PDLIM5: variants seen among roughly 807,000 people sequenced by gnomAD.
The protein encoded by PDLIM5 is PDZ and LIM domain 5.
PDLIM5 carries 34 observed loss-of-function variants against 64.2 expected under a neutral mutation model. That is an observed-to-expected ratio of 0.53 (90% CI 0.40 to 0.71). The LOEUF (loss-of-function observed/expected upper bound fraction) is 0.71. PDLIM5 is among the 30% of genes least tolerant of loss of function. The pLI is 0.00. For missense variants in PDLIM5, 683 were observed against 733.6 expected (o/e 0.93, Z 0.80); for synonymous variants, 253 against 269.1 (o/e 0.94, Z 0.59).
intron 2 of PDLIM5, among the ~76,000 whole-genome samples, chr4:94,463,295 A>G (rs1243987360): frequency 6.6e-6 from 1 of 152,210 alleles, no homozygotes; most frequent in African/African-American, 2.4e-5. Flanking sequence ...TCAAAAATCC[A>G]TGTGTAACTT....
chr4:94,667,987 C>T lies in PDLIM5; in HGVS notation c.*3920C>T, dbSNP rs753225693. On this transcript the variant is annotated 3_prime_UTR_variant, in exon 13 of 13. Coordinates refer to ENST00000317968, the MANE Select transcript of PDLIM5 (RefSeq NM_006457.5). ...CTGAATAGTTTTACACAAATTTGAT[C>T]TGGCTTCCATTTGTCCCCCTCATTT... The T allele has an allele frequency of 4.3e-4, 66 of 152,154 alleles. No individual in the cohort carries two copies. Among genetic ancestry groups the T allele is most frequent in the Non-Finnish European group, 8.1e-4 (55 of 68,010 alleles). The allele number at this position is 152,154 out of a possible 1,614,324, so 9.4% of individuals were successfully genotyped here.
At chr4:94,456,972 C>T (rs983582321) in intron 2 of PDLIM5, 1 of 987,148 alleles carries the variant, frequency 1.0e-6, no homozygotes, top group South Asian at 4.6e-5. Context: ...GCTGTGCTGC[C>T]TCTTTAATAA....
intron 6 of PDLIM5, 40 bp downstream of exon 6, chr4:94,585,777 T>C: frequency 6.5e-7 from 1 of 1,548,980 alleles, no homozygotes; most frequent in Non-Finnish European, 8.9e-7. Flanking sequence ...TGAATGTTTT[T>C]TTGCCCCAGA....
intron 3 of PDLIM5, among the ~76,000 whole-genome samples, chr4:94,542,339 G>A (rs59384105): frequency 7.4e-6 from 1 of 135,286 alleles, no homozygotes; most frequent in African/African-American, 3.2e-5. Flanking sequence ...AATAAAGTAA[G>A]TAAGTAAGTA....
chr4:94,605,381 T>C (rs757369358), intron 7 of PDLIM5, among the ~76,000 whole-genome samples: 2 of 152,192 alleles, frequency 1.3e-5, no homozygotes, highest in African/African-American at 2.4e-5. Flanking sequence ...CATGAATAGC[T>C]CTTTGTTCAT....
At chr4:94,492,751 C>G (rs1478276028) in intron 2 of PDLIM5, among the ~76,000 whole-genome samples, 1 of 152,100 alleles carries the variant, frequency 6.6e-6, no homozygotes, top group South Asian at 2.1e-4. Context: ...ATTGTGTTAT[C>G]ATATGTTTAT....
intron 9 of PDLIM5, among the ~76,000 whole-genome samples, chr4:94,647,706 A>T (rs1463525155): frequency 1.3e-5 from 2 of 152,176 alleles, no homozygotes; most frequent in East Asian, 3.8e-4. Context: ...CCAGCAGAAT[A>T]TATATTCTTC....
At chr4:94,584,965 C>T (rs1560720766) in intron 5 of PDLIM5, 2 of 1,510,278 alleles carry the variant, frequency 1.3e-6, no homozygotes, top group Admixed American at 1.7e-5. Context: ...TCTTCTGCTG[C>T]CTTCCTCTGT....
chr4:94,593,970 T>C (rs921739694), intron 7 of PDLIM5, among the ~76,000 whole-genome samples: 1 of 152,166 alleles, frequency 6.6e-6, no homozygotes, highest in African/African-American at 2.4e-5. Flanking sequence ...CCATGTTTGG[T>C]ACTAAAAGTT....
chr4:94,454,188 A>G (rs534351324), intron 1 of PDLIM5, among the ~76,000 whole-genome samples: 1 of 152,076 alleles, frequency 6.6e-6, no homozygotes, highest in South Asian at 2.1e-4. Context: ...TATGTTTTTA[A>G]TATAAAATTA....
chr4:94,478,722 G>C (rs17378777), intron 2 of PDLIM5, among the ~76,000 whole-genome samples: 55,203 of 151,882 alleles, frequency 0.36, 10,664 homozygotes, highest in Non-Finnish European at 0.44. Flanking sequence ...AAATGTACAG[G>C]TCATGGCTCA....
In PDLIM5 at chr4:94,664,463, A is replaced by G. The variant is rs961516873; in HGVS notation, c.*396A>G. 1.8e-4 allele frequency: 135 copies of G among 753,382 alleles called. No individual in the cohort carries two copies. Among genetic ancestry groups the G allele is most frequent in the Non-Finnish European group, 2.2e-4 (134 of 618,648 alleles). 46.7% of individuals were successfully genotyped at this position (753,382 alleles called of 1,614,324 possible). A position where few individuals can be genotyped will look rare whatever the true frequency, so the allele number is the denominator to read the frequency against. ...GCAAAAGGCAATGAAAATGCCTTAA[A>G]TTTTATCAATAACAGAATTATTGTA... On this transcript the variant is annotated 3_prime_UTR_variant, in exon 13 of 13. Coordinates refer to ENST00000317968, the MANE Select transcript of PDLIM5 (RefSeq NM_006457.5).
chr4:94,499,352 A>G (rs1344872579), intron 2 of PDLIM5, among the ~76,000 whole-genome samples: 2 of 152,124 alleles, frequency 1.3e-5, no homozygotes, highest in Non-Finnish European at 2.9e-5. Context: ...TATTTATTGA[A>G]TAAGTCATAT....
chr4:94,664,204 A>G lies in PDLIM5; in HGVS notation c.*137A>G, dbSNP rs1742952914. The G allele has an allele frequency of 8.1e-7, 1 of 1,229,968 alleles. No individual in the cohort carries two copies. Among genetic ancestry groups the G allele is most frequent in the Non-Finnish European group, 1.0e-6 (1 of 976,418 alleles). 76.2% of individuals were successfully genotyped at this position (1,229,968 alleles called of 1,614,324 possible). On this transcript the variant is annotated 3_prime_UTR_variant, in exon 13 of 13. Coordinates refer to ENST00000317968, the MANE Select transcript of PDLIM5 (RefSeq NM_006457.5). ...CCCTGAAGGAATAAATTCCAGCTTT[A>G]AAAACCAAGTCTGAGGAAATATTTG...
chr4:94,635,015 G>A (rs2110442408), intron 8 of PDLIM5, among the ~76,000 whole-genome samples: 1 of 152,198 alleles, frequency 6.6e-6, no homozygotes, highest in African/African-American at 2.4e-5. Flanking sequence ...GGTAATTATT[G>A]TAATCTTAGG....
At chr4:94,628,937 A>G (rs180967022) in intron 8 of PDLIM5, among the ~76,000 whole-genome samples, 1 of 151,178 alleles carries the variant, frequency 6.6e-6, no homozygotes, top group African/African-American at 2.5e-5. Context: ...TTTCAATTTT[A>G]TTCTTTTTTA....
At chr4:94,622,285 A>G (rs1436004145) in intron 8 of PDLIM5, among the ~76,000 whole-genome samples, 1 of 151,000 alleles carries the variant, frequency 6.6e-6, no homozygotes, top group East Asian at 1.9e-4. Flanking sequence ...TTCCTGTTTA[A>G]ATTATGGATA....
chr4:94,664,651 C>T lies in PDLIM5; in HGVS notation c.*584C>T, dbSNP rs995684014. 1.7e-5 allele frequency: 4 copies of T among 235,652 alleles called. No homozygotes were observed. Among genetic ancestry groups the T allele is most frequent in the Non-Finnish European group, 2.8e-5 (4 of 144,608 alleles). The allele number at this position is 235,652 out of a possible 1,614,324, so 14.6% of individuals were successfully genotyped here. A position where few individuals can be genotyped will look rare whatever the true frequency, so the allele number is the denominator to read the frequency against. On this transcript the variant is annotated 3_prime_UTR_variant, in exon 13 of 13. Transcript: ENST00000317968. ...TTGGGAGGCCAAGGTGGGTGGACCA[C>T]ATGAGGTCAGGAGTTTGAGATCAGC...
chr4:94,537,967 A>G (rs1731455197), intron 3 of PDLIM5, among the ~76,000 whole-genome samples: 1 of 152,164 alleles, frequency 6.6e-6, no homozygotes, highest in South Asian at 2.1e-4. Context: ...AATTTTCGCC[A>G]TTAAATTTAT....
Sources: allele counts gnomAD v4.1 joint callset (sites outside exome capture counted in the v4.1 genomes callset), GRCh38; gene constraint gnomAD v4.1.1; transcripts MANE v1.5; gene names NCBI Gene and HGNC (gene_info 2026-07-23, HGNC 2026-07-21).